The following NDST4 variants were observed in gnomAD, a reference collection of about 807,000 sequenced individuals.
NDST4 encodes N-deacetylase and N-sulfotransferase 4.
NDST4 carries 63 observed loss-of-function variants against 100.8 expected under a neutral mutation model. The ratio of observed to expected loss-of-function variants is 0.62; its 90% CI spans 0.51 to 0.77. The LOEUF is 0.77. Among genes scored for constraint, NDST4 ranks in the 30% least tolerant of loss-of-function variants. NDST4 has a pLI of 0.00. For missense variants in NDST4, 943 were observed against 1,018.4 expected (o/e 0.93, Z 1.01); for synonymous variants, 377 against 361.8 (o/e 1.04, Z -0.48).
At chr4:115,102,211 G>A (rs1163936338) in intron 1 of NDST4, among the ~76,000 whole-genome samples, 1 of 152,040 alleles carries the variant, frequency 6.6e-6, no homozygotes, top group Non-Finnish European at 1.5e-5. Context: ...AATTGCCTCA[G>A]AAGACAATCA....
chr4:115,020,983 C>T (rs947428332), intron 2 of NDST4, among the ~76,000 whole-genome samples: 2 of 152,044 alleles, frequency 1.3e-5, no homozygotes, highest in African/African-American at 4.8e-5. Context: ...ACTAGTACAA[C>T]CACTATGGAA....
intron 6 of NDST4, among the ~76,000 whole-genome samples, chr4:114,925,142 A>T (rs907688572): frequency 6.6e-6 from 1 of 152,174 alleles, no homozygotes; most frequent in African/African-American, 2.4e-5. Flanking sequence ...CATTGTCATA[A>T]TTTTCTTTAA....
intron 6 of NDST4, among the ~76,000 whole-genome samples, chr4:114,926,109 G>A (rs753786109): frequency 9.9e-5 from 15 of 152,118 alleles, no homozygotes; most frequent in Admixed American, 2.0e-4. Flanking sequence ...GAAAATACAG[G>A]AAGGATGTGG....
chr4:114,886,487 T>A (rs1359314343), intron 6 of NDST4, among the ~76,000 whole-genome samples: 1 of 152,120 alleles, frequency 6.6e-6, no homozygotes, highest in Admixed American at 6.6e-5. Flanking sequence ...TGTGTGGAAA[T>A]ATCAAATTGC....
chr4:114,883,949 T>C (rs1724425184), intron 6 of NDST4, among the ~76,000 whole-genome samples: 1 of 152,114 alleles, frequency 6.6e-6, no homozygotes, highest in African/African-American at 2.4e-5. Context: ...GCTTGCCCTC[T>C]GCTCATCTAC....
At chr4:115,071,549 G>T (rs1310486712) in intron 2 of NDST4, among the ~76,000 whole-genome samples, 1 of 151,984 alleles carries the variant, frequency 6.6e-6, no homozygotes, top group African/African-American at 2.4e-5. Flanking sequence ...AATTCAAATA[G>T]GTATTTCATA....
chr4:115,092,742 A>C (rs1729543731), intron 1 of NDST4, among the ~76,000 whole-genome samples: 1 of 152,178 alleles, frequency 6.6e-6, no homozygotes, highest in Admixed American at 6.5e-5. Context: ...TCAACATCAA[A>C]ACTAGTAGTG....
At chr4:114,965,502 CT>C (rs1161431842) in intron 4 of NDST4, among the ~76,000 whole-genome samples, 4 of 151,918 alleles carry the variant, frequency 2.6e-5, no homozygotes, top group Non-Finnish European at 4.4e-5. Context: ...ATATGTGTAG[CT>C]TTTTAAAATC....
intron 3 of NDST4, among the ~76,000 whole-genome samples, chr4:114,974,345 G>A (rs971502316): frequency 2.0e-5 from 3 of 151,678 alleles, no homozygotes; most frequent in Non-Finnish European, 2.9e-5. Flanking sequence ...ATGCTTGAAA[G>A]TTAATGATTT....
At chr4:115,069,148 G>A (rs1030509381) in intron 2 of NDST4, among the ~76,000 whole-genome samples, 43 of 152,136 alleles carry the variant, frequency 2.8e-4, no homozygotes, top group African/African-American at 9.9e-4. Flanking sequence ...TAAAATGTGG[G>A]TAGATTCAGG....
rs915627733 is a variant in NDST4 at position 114,896,396 on chromosome 4, G to T, written c.1537-25446C>A. Among the ~76,000 whole-genome samples, 3 of 152,138 alleles carry T rather than the reference G, an allele frequency of 2.0e-5. No homozygotes were observed. The South Asian group carries it at 6.2e-4, about 32-fold the overall frequency. ...CCCAGCACTTTGGGAGGCCGAGGTG[G>T]GTGGATCACGAGGTCAAGAGATTGA... On this transcript the variant is annotated intron_variant, in intron 6 of 13. Transcript: ENST00000264363.
intron 6 of NDST4, among the ~76,000 whole-genome samples, chr4:114,920,128 T>C (rs965174041): frequency 1.1e-4 from 17 of 152,342 alleles, no homozygotes; most frequent in African/African-American, 3.8e-4. Flanking sequence ...TAAATAATTA[T>C]GTATAAATAT....
chr4:114,973,457 A>G (rs1726560615), intron 3 of NDST4, among the ~76,000 whole-genome samples: 1 of 151,932 alleles, frequency 6.6e-6, no homozygotes, highest in African/African-American at 2.4e-5. Flanking sequence ...CTCAAATTAA[A>G]CCTTTCACTT....
chr4:114,912,194 T>C (rs1052299136), intron 6 of NDST4, among the ~76,000 whole-genome samples: 2 of 152,148 alleles, frequency 1.3e-5, no homozygotes, highest in African/African-American at 4.8e-5. Context: ...CATGGCACTA[T>C]CAATGTGACA....
intron 1 of NDST4, among the ~76,000 whole-genome samples, chr4:115,085,594 C>T (rs1200951744): frequency 6.6e-6 from 1 of 152,126 alleles, no homozygotes; most frequent in African/African-American, 2.4e-5. Flanking sequence ...TGAGTGAGTT[C>T]TCACAAAATC....
chr4:115,026,882 A>C (rs1727997891), intron 2 of NDST4, among the ~76,000 whole-genome samples: 1 of 152,134 alleles, frequency 6.6e-6, no homozygotes, highest in Non-Finnish European at 1.5e-5. Flanking sequence ...ATGGGAGATG[A>C]ACCTTGAGAA....
chr4:114,955,610 G>T (rs1726120113), intron 4 of NDST4, among the ~76,000 whole-genome samples: 1 of 152,206 alleles, frequency 6.6e-6, no homozygotes, highest in African/African-American at 2.4e-5. Flanking sequence ...ATAGTAGGAT[G>T]CAGAGTTGTG....
chr4:114,893,887 C>T (rs1249651965), intron 6 of NDST4, among the ~76,000 whole-genome samples: 1 of 152,132 alleles, frequency 6.6e-6, no homozygotes, highest in South Asian at 2.1e-4. Flanking sequence ...ATATTTAAGT[C>T]TTTAATTCAT....
chr4:115,016,949 A>G (rs1405985474), intron 2 of NDST4, among the ~76,000 whole-genome samples: 1 of 151,836 alleles, frequency 6.6e-6, no homozygotes, highest in Non-Finnish European at 1.5e-5. Flanking sequence ...AAAGAACTGT[A>G]ATAATCATAC....
Sources: allele counts gnomAD v4.1 joint callset (sites outside exome capture counted in the v4.1 genomes callset), GRCh38; gene constraint gnomAD v4.1.1; transcripts MANE v1.5; gene names NCBI Gene and HGNC (gene_info 2026-07-23, HGNC 2026-07-21).